MEGF8: variants seen among roughly 807,000 people sequenced by gnomAD.
MEGF8 encodes multiple EGF like domains 8.
Under a neutral mutation model 302.9 loss-of-function variants are expected in MEGF8, and 156 were observed. That is an observed-to-expected ratio of 0.52 (90% CI 0.45 to 0.59). The LOEUF is 0.59. MEGF8 is among the 20% of genes least tolerant of loss of function. The pLI, the probability that MEGF8 is intolerant of heterozygous loss-of-function variation, is 0.00. For missense variants in MEGF8, 3,345 were observed against 3,964.5 expected (o/e 0.84, Z 4.20); for synonymous variants, 1,621 against 1,660.5 (o/e 0.98, Z 0.58).
chr19:42,355,685 T>A (rs1479311383), intron 23 of MEGF8, 73 bp from the exon 24 acceptor site: 1 of 1,475,194 alleles, frequency 6.8e-7, no homozygotes, highest in East Asian at 2.5e-5. Context: ...CACACTGGGT[T>A]TTCTTAGCAT....
Position 42,357,955 on chromosome 19 carries a change from T to A in MEGF8, c.5012-189T>A, listed in dbSNP as rs1233130326. Among the ~76,000 whole-genome samples, 1 of 152,160 alleles carries A rather than the reference T, an allele frequency of 6.6e-6. No individual in the cohort carries two copies. The highest frequency in any genetic ancestry group is 1.9e-4 in the East Asian group (1 of 5,182). On this transcript the variant is annotated intron_variant, in intron 28 of 41. Transcript: ENST00000251268. The surrounding 1 kb of genome is among the most constrained non-coding windows in gnomAD (Gnocchi z 5.2). ...AACTTACTGCCAGTTGAGGACTCCC[T>A]TCTCTTTCCCAGAGTCTCTAATGAT... is the stretch of plus-strand genomic sequence containing the variant.
rs539229820 is a variant in MEGF8 at position 42,355,662 on chromosome 19, T to G, written c.4145-96T>G. The G allele has an allele frequency of 4.0e-5, 58 of 1,443,312 alleles. No homozygotes were observed. The East Asian group carries it at 1.4e-3, about 34-fold the overall frequency. 89.4% of individuals were successfully genotyped at this position (1,443,312 alleles called of 1,614,324 possible). ...GATTATGAATAATATGGTGCCTTCC[T>G]TCCCTGCCCAGTCACACTGGGTTTT... On this transcript the variant is annotated intron_variant, in intron 23 of 41. Transcript: ENST00000251268.
rs1313542723 is a variant in MEGF8, at chr19:42,350,267, C to T, written c.2619C>T (p.His873=). 6.2e-7 allele frequency: 1 copy of T among 1,611,810 alleles called. No homozygotes were observed. Among genetic ancestry groups the T allele is most frequent in the Non-Finnish European group, 8.5e-7 (1 of 1,179,850 alleles). ...CGWCLTSATC[H]LRQGGAHCGD... is the part of the protein sequence containing the mutation. ...GGTGCCTGACCAGTGCCACCTGCCA[C>T]CTGCGCCAGGGCGGAGCCCATTGCG... Residue 873 remains histidine, a synonymous_variant, in exon 15 of 42, where the codon CAC becomes CAT. Transcript: ENST00000251268.
chr19:42,368,473 C>A lies in MEGF8; in HGVS notation c.6292C>A (p.Leu2098Met). Residue 2098 changes from leucine (L) to methionine (M), a missense_variant, in exon 36 of 42, where the codon CTG becomes ATG. Leu to Met is a conservative substitution (Grantham distance 15). Coordinates refer to ENST00000251268, the MANE Select transcript of MEGF8 (RefSeq NM_001271938.2). This position sits in a 1 kb window ranked among gnomAD's most constrained non-coding sequence, Gnocchi z 4.9. ...SLQQCLSPSYLPLRCMAGGCG... is the reference protein window; with the variant it reads ...SLQQCLSPSYMPLRCMAGGCG... ...CATACAGTGTCTGAGCCCTTCCTAC[C>A]TGCCCCTGCGATGTATGGCCGGAGG... The A allele has an allele frequency of 6.2e-7, 1 of 1,609,242 alleles. No individual in the cohort carries two copies. The highest frequency in any genetic ancestry group is 8.5e-7 in the Non-Finnish European group (1 of 1,178,500).
At position 42,356,960 on chromosome 19, in the gene MEGF8, C is replaced by G; in HGVS notation, c.4809C>G (p.Thr1603=). Residue 1603 remains threonine (T), a synonymous_variant, in exon 27 of 42, where the codon ACC becomes ACG. Transcript: ENST00000251268. This position sits in a 1 kb window ranked among gnomAD's most constrained non-coding sequence, Gnocchi z 5.2. ...ATTTCTGGGTCCTCAACCTCACCAC[C>G]CTGCAATGGCGGCAGGAGAAGGTGA... ...TRDFWVLNLT[T]LQWRQEKAPQ... The G allele has an allele frequency of 6.2e-7, 1 of 1,606,732 alleles. No individual in the cohort carries two copies. The highest frequency in any genetic ancestry group is 8.5e-7 in the Non-Finnish European group (1 of 1,176,956).
Position 42,369,849 on chromosome 19 carries a change from C to T in MEGF8, c.6834+126C>T. The T allele has an allele frequency of 8.8e-7, 1 of 1,131,714 alleles. No individual in the cohort carries two copies. The highest frequency in any genetic ancestry group is 1.2e-6 in the Non-Finnish European group (1 of 809,894). The allele number at this position is 1,131,714 out of a possible 1,614,324, so 70.1% of individuals were successfully genotyped here. A position where few individuals can be genotyped will look rare whatever the true frequency, so the allele number is the denominator to read the frequency against. On this transcript the variant is annotated intron_variant, in intron 38 of 41. Coordinates refer to ENST00000251268, the MANE Select transcript of MEGF8 (RefSeq NM_001271938.2). The surrounding 1 kb of genome is among the most constrained non-coding windows in gnomAD (Gnocchi z 5.7). ...AAGCCAGGGACAGATAAGCCAGAGC[C>T]CTGTCCCAGGGAGATGTGTGGAGAC...
In MEGF8 at chr19:42,357,077, C is replaced by G; in HGVS notation, c.4830+96C>G. 3 of 1,283,512 alleles carry G rather than the reference C, an allele frequency of 2.3e-6. No homozygotes were observed. The highest frequency in any genetic ancestry group is 3.2e-6 in the Non-Finnish European group (3 of 945,382). 79.5% of individuals were successfully genotyped at this position (1,283,512 alleles called of 1,614,324 possible). ...CTGCCAGCTCCATCCCCAGAGGAAA[C>G]AGAAGCCCCAAACTTGAATTTCCTC... On this transcript the variant is annotated intron_variant, in intron 27 of 41. Coordinates refer to ENST00000251268, the MANE Select transcript of MEGF8 (RefSeq NM_001271938.2). The surrounding 1 kb of genome is among the most constrained non-coding windows in gnomAD (Gnocchi z 5.2).
At position 42,353,166 on chromosome 19, in the gene MEGF8, G is replaced by C; in HGVS notation, c.3550+39G>C. On this transcript the variant is annotated intron_variant, in intron 20 of 41. Transcript: ENST00000251268. The surrounding 1 kb of genome is among the most constrained non-coding windows in gnomAD (Gnocchi z 6.1). ...GTCCTGGGCCCAGCCTGGACCCAGG[G>C]AGCCTCCTCCCTTCTTGGGGCTCCA... 1.3e-6 allele frequency: 2 copies of C among 1,494,262 alleles called. No homozygotes were observed. Among genetic ancestry groups the C allele is most frequent in the Non-Finnish European group, 8.9e-7 (1 of 1,120,792 alleles). 92.6% of individuals were successfully genotyped at this position (1,494,262 alleles called of 1,614,324 possible). A position where few individuals can be genotyped will look rare whatever the true frequency, so the allele number is the denominator to read the frequency against.
Position 42,362,587 on chromosome 19 carries a change from C to G in MEGF8, c.6048C>G (p.Phe2016Leu). Residue 2016 changes from phenylalanine (F) to leucine (L), a missense_variant, in exon 34 of 42, where the codon TTC (phenylalanine) becomes TTG (leucine). Physicochemically the swap from Phe to Leu is conservative, Grantham distance 22 (BLOSUM62 0). Transcript: ENST00000251268. The part of the protein sequence containing the change: ...REGKCMWTRQ[F>L]KRTGETRRIL... ...GCAAGTGCATGTGGACGCGGCAGTT[C>G]AAGAGGACAGGTGAGCAGTGGGCCT... The G allele has an allele frequency of 1.2e-6, 2 of 1,609,886 alleles. No individual in the cohort carries two copies. Among genetic ancestry groups the G allele is most frequent in the Non-Finnish European group, 1.7e-6 (2 of 1,179,340 alleles).
Position 42,357,051 on chromosome 19 carries a change from C to A in MEGF8, c.4830+70C>A. Reference sequence around the variant, plus strand: ...CCTGACAGAGACAGCTGTGGTAGCTCCTGCCAGCTCCATCCCCAGAGGAAA... The same window carrying A: ...CCTGACAGAGACAGCTGTGGTAGCTACTGCCAGCTCCATCCCCAGAGGAAA... On this transcript the variant is annotated intron_variant, in intron 27 of 41. Transcript: ENST00000251268. The surrounding 1 kb of genome is among the most constrained non-coding windows in gnomAD (Gnocchi z 5.2). 7.1e-7 allele frequency: 1 copy of A among 1,403,060 alleles called. No homozygotes were observed. The highest frequency in any genetic ancestry group is 9.6e-7 in the Non-Finnish European group (1 of 1,043,590). The allele number at this position is 1,403,060 out of a possible 1,614,324, so 86.9% of individuals were successfully genotyped here.
At position 42,352,538 on chromosome 19, in the gene MEGF8, T is replaced by C; in HGVS notation, c.3350+82T>C. 1 of 1,476,774 alleles carries C rather than the reference T, an allele frequency of 6.8e-7. No individual in the cohort carries two copies. 91.5% of individuals were successfully genotyped at this position (1,476,774 alleles called of 1,614,324 possible). On this transcript the variant is annotated intron_variant, in intron 19 of 41. Coordinates refer to ENST00000251268, the MANE Select transcript of MEGF8 (RefSeq NM_001271938.2). The surrounding 1 kb of genome is among the most constrained non-coding windows in gnomAD (Gnocchi z 4.4). ...TGGAGGGAGGAAGCCATCATGGCGC[T>C]GGGTCCCCTCCTGTGGAACCAGCAT... is the stretch of plus-strand genomic sequence containing the variant.
rs1364196781 is a variant in MEGF8, at chr19:42,350,295, G to A, written c.2647G>A (p.Asp883Asn). 1 of 1,609,670 alleles carries A rather than the reference G, an allele frequency of 6.2e-7. No individual in the cohort carries two copies. The highest frequency in any genetic ancestry group is 8.5e-7 in the Non-Finnish European group (1 of 1,179,742). Reference protein sequence around the residue: ...HLRQGGAHCGDDGAGGSLLVL... With the variant: ...HLRQGGAHCGNDGAGGSLLVL... ...GCGCCAGGGCGGAGCCCATTGCGGG[G>A]ATGACGGGGCTGGTGGGTCCCTGCT... is the stretch of plus-strand genomic sequence containing the variant. Residue 883 changes from aspartate (D) to asparagine (N), a missense_variant, in exon 15 of 42, where the codon GAT (aspartate) becomes AAT (asparagine). By Grantham distance (23) the Asp-to-Asn change is conservative. Coordinates refer to ENST00000251268, the MANE Select transcript of MEGF8 (RefSeq NM_001271938.2).
chr19:42,358,204 G>GGT lies in MEGF8; in HGVS notation c.5073_5074dup (p.Phe1692CysfsTer39), dbSNP rs760330658. 6.2e-7 allele frequency: 1 copy of GGT among 1,603,480 alleles called. No individual in the cohort carries two copies. The highest frequency in any genetic ancestry group is 1.7e-5 in the Admixed American group (1 of 58,640). On this transcript the variant is annotated frameshift_variant, in exon 29 of 42. Coordinates refer to ENST00000251268, the MANE Select transcript of MEGF8 (RefSeq NM_001271938.2). LOFTEE classifies it high-confidence loss of function. This position sits in a 1 kb window ranked among gnomAD's most constrained non-coding sequence, Gnocchi z 4.4. ...ACCGACTCCCTCTACGTGTTTGGGG[G>GGT]GTTCCGATTCCATGTGGAGCTGGCG...
intron 1 of MEGF8, among the ~76,000 whole-genome samples, chr19:42,332,140 G>A (rs1462763490): frequency 6.6e-6 from 1 of 152,136 alleles, no homozygotes; most frequent in Non-Finnish European, 1.5e-5. Flanking sequence ...TTACAGGCGT[G>A]AGCCACCCAC....
intron 5 of MEGF8, among the ~76,000 whole-genome samples, 194 bp from the exon 6 acceptor site, chr19:42,335,737 C>T (rs1354401528): frequency 2.0e-5 from 3 of 152,160 alleles, no homozygotes; most frequent in Non-Finnish European, 4.4e-5. Flanking sequence ...TGCCTTTTCT[C>T]TCTCTTATTG....
In MEGF8 at chr19:42,336,224, C is replaced by T. The variant is rs1600017981; in HGVS notation, c.1122C>T (p.Gly374=). Residue 374 remains glycine (G), a synonymous_variant, in exon 6 of 42, where the codon GGC becomes GGT. Coordinates refer to ENST00000251268, the MANE Select transcript of MEGF8 (RefSeq NM_001271938.2). The surrounding 1 kb of genome is among the most constrained non-coding windows in gnomAD (Gnocchi z 4.8). ...FRFRLDSTSG[G]YWEQVIPAGG... ...TCCGCCTTGACAGCACCAGCGGGGGCTATTGGGAGCAGGTGATTCCGGCAG... is the reference window on the plus strand; with the variant it reads ...TCCGCCTTGACAGCACCAGCGGGGGTTATTGGGAGCAGGTGATTCCGGCAG... The T allele has an allele frequency of 1.9e-6, 3 of 1,609,500 alleles. No homozygotes were observed. The highest frequency in any genetic ancestry group is 1.7e-6 in the Non-Finnish European group (2 of 1,179,876).
chr19:42,356,415 C>T lies in MEGF8; in HGVS notation c.4584C>T (p.Gly1528=), dbSNP rs1423270553. The T allele has an allele frequency of 1.3e-5, 21 of 1,610,636 alleles. No individual in the cohort carries two copies. Among genetic ancestry groups the T allele is most frequent in the African/African-American group, 5.3e-5 (4 of 74,852 alleles). Residue 1528 remains glycine, a synonymous_variant, in exon 26 of 42, where the codon GGC becomes GGT. Coordinates refer to ENST00000251268, the MANE Select transcript of MEGF8 (RefSeq NM_001271938.2). The surrounding 1 kb of genome is among the most constrained non-coding windows in gnomAD (Gnocchi z 5.2). ...ATGCCACCTTGTGGATGTTTGGGGG[C>T]CTGGGCCTGCCCCAGGGGCTGCTGG... The part of the protein sequence containing the change: ...GPDATLWMFG[G]LGLPQGLLGN...
chr19:42,364,415 G>A (rs892455527), intron 35 of MEGF8, among the ~76,000 whole-genome samples: 3 of 152,138 alleles, frequency 2.0e-5, no homozygotes, highest in Non-Finnish European at 4.4e-5. Context: ...ACCCAATTGA[G>A]GCAAAACTGC....
In MEGF8 at chr19:42,369,294, G is replaced by T. The variant is rs537255722; in HGVS notation, c.6642-237G>T. 3.3e-5 allele frequency among the ~76,000 whole-genome samples: 5 copies of T among 152,228 alleles called. No individual in the cohort carries two copies. The highest frequency in any genetic ancestry group is 1.2e-4 in the African/African-American group (5 of 41,540). ...CAGGAGTTCGAGACCAGTCCACAGG[G>T]AGACCCCATCTCTACAAAAAAATAA... On this transcript the variant is annotated intron_variant, in intron 37 of 41. Transcript: ENST00000251268. This position sits in a 1 kb window ranked among gnomAD's most constrained non-coding sequence, Gnocchi z 5.7.
Sources: gnomAD v4.1 joint callset for allele counts (sites outside exome capture counted in the v4.1 genomes callset) on GRCh38, gnomAD v4.1.1 for gene constraint, Gnocchi (gnomAD v3.1) non-coding constraint, MANE v1.5 for transcripts, NCBI Gene and HGNC (gene_info 2026-07-23, HGNC 2026-07-21) for gene names.